Variants in ERGIC1 observed in about 807,000 individuals in gnomAD.
ERGIC1 encodes endoplasmic reticulum-golgi intermediate compartment 1.
Under a neutral mutation model 38.3 loss-of-function variants are expected in ERGIC1, and 19 were observed. The ratio of observed to expected loss-of-function variants is 0.50; its 90% CI spans 0.35 to 0.73. The LOEUF is 0.73. ERGIC1 is among the 30% of genes least tolerant of loss of function. The pLI is 0.01. For missense variants in ERGIC1, 294 were observed against 389.2 expected (o/e 0.76, Z 2.06); for synonymous variants, 124 against 157.6 (o/e 0.79, Z 1.60).
chr5:172,852,819 C>T (rs552209884), intron 1 of ERGIC1, among the ~76,000 whole-genome samples: 16 of 152,374 alleles, frequency 1.1e-4, no homozygotes, highest in East Asian at 5.8e-4. Context: ...AGCCATGCGA[C>T]GTGCTCAGCA....
chr5:172,944,052 C>T (rs951082912), intron 9 of ERGIC1, among the ~76,000 whole-genome samples: 5 of 152,208 alleles, frequency 3.3e-5, no homozygotes, highest in East Asian at 3.9e-4. Flanking sequence ...GGGGCATTAT[C>T]GGATGACGTC....
chr5:172,867,234 G>A (rs1379816679), intron 1 of ERGIC1: 14 of 454,146 alleles, frequency 3.1e-5, no homozygotes, highest in Admixed American at 3.1e-4. Flanking sequence ...CTCCCTCCTG[G>A]CATCACTGAC....
intron 1 of ERGIC1, among the ~76,000 whole-genome samples, chr5:172,861,348 CT>C (rs558525535): frequency 1.4e-3 from 210 of 152,326 alleles, no homozygotes; most frequent in African/African-American, 4.6e-3. Flanking sequence ...CACGTGTTCT[CT>C]TTCATAGCTC....
intron 1 of ERGIC1, among the ~76,000 whole-genome samples, chr5:172,881,060 C>T (rs911004958): frequency 7.2e-5 from 11 of 152,074 alleles, no homozygotes; most frequent in Non-Finnish European, 4.4e-5. Context: ...ACCAGCCTGA[C>T]CAACATGGAG....
intron 7 of ERGIC1, chr5:172,927,121 C>G (rs1763672146): frequency 6.3e-6 from 1 of 158,970 alleles, no homozygotes; most frequent in Non-Finnish European, 1.4e-5. Flanking sequence ...CACACGCAGA[C>G]AGGAGAGCAC....
intron 7 of ERGIC1, chr5:172,931,089 T>G (rs1763766188): frequency 6.6e-6 from 1 of 152,172 alleles, no homozygotes; most frequent in East Asian, 1.9e-4. Context: ...CCCAGCCTTC[T>G]TACAGAAGAG....
Position 172,877,050 on chromosome 5 carries a change from A to G in ERGIC1, c.21-11649A>G, listed in dbSNP as rs887896322. Among the ~76,000 whole-genome samples, 6 of 152,346 alleles carry G rather than the reference A, an allele frequency of 3.9e-5. No homozygotes were observed. In the South Asian group the frequency reaches 1.0e-3, roughly 26 times the overall value. On this transcript the variant is annotated intron_variant, in intron 1 of 9. Coordinates refer to ENST00000393784, the MANE Select transcript of ERGIC1 (RefSeq NM_001031711.3). ...CTTTGCCTAACCTAAACTTACAAAG[A>G]TATTCCCTTATGTTTTCCTCTAGAA...
At chr5:172,856,845 C>T (rs1174492599) in intron 1 of ERGIC1, among the ~76,000 whole-genome samples, 1 of 152,172 alleles carries the variant, frequency 6.6e-6, no homozygotes, top group East Asian at 1.9e-4. Context: ...CCTACCCTTG[C>T]ACCTCAGTAT....
intron 1 of ERGIC1, chr5:172,867,448 G>T (rs939793732): frequency 7.5e-6 from 3 of 399,082 alleles, no homozygotes; most frequent in Non-Finnish European, 1.6e-5. Flanking sequence ...TCCACTCCTT[G>T]GAGGCCGCAA....
intron 1 of ERGIC1, among the ~76,000 whole-genome samples, chr5:172,863,696 G>T (rs762086437): frequency 2.6e-5 from 4 of 152,106 alleles, no homozygotes; most frequent in Non-Finnish European, 5.9e-5. Context: ...AAAACCAAAC[G>T]TGTGACTTTC....
At chr5:172,907,971 T>C (rs1763077653) in intron 3 of ERGIC1, among the ~76,000 whole-genome samples, 1 of 151,984 alleles carries the variant, frequency 6.6e-6, no homozygotes, top group Non-Finnish European at 1.5e-5. Flanking sequence ...TTTGGATTGC[T>C]AACAGATGCC....
intron 1 of ERGIC1, among the ~76,000 whole-genome samples, chr5:172,877,192 A>G (rs541331356): frequency 3.3e-4 from 50 of 152,240 alleles, no homozygotes; most frequent in Non-Finnish European, 5.9e-4. Context: ...CAATTTCTAC[A>G]AAAATACTTG....
rs560710508 is a variant in ERGIC1, at chr5:172,887,864, G to A, written c.21-835G>A. On this transcript the variant is annotated intron_variant, in intron 1 of 9. Transcript: ENST00000393784. ...CATTCTTAAGAAGAGTCTCCATGAG[G>A]CAGACAGCAGGAGCTGGGGGGTGCA... 7.9e-5 allele frequency among the ~76,000 whole-genome samples: 12 copies of A among 152,328 alleles called. No homozygotes were observed. In the South Asian group the frequency reaches 2.5e-3, roughly 32 times the overall value.
intron 9 of ERGIC1, among the ~76,000 whole-genome samples, chr5:172,945,792 C>A (rs1764109235): frequency 6.6e-6 from 1 of 152,174 alleles, no homozygotes; most frequent in African/African-American, 2.4e-5. Context: ...TCAAGCAATT[C>A]TCATGCATCA....
chr5:172,868,530 C>T (rs575896121), intron 1 of ERGIC1, among the ~76,000 whole-genome samples: 4 of 152,122 alleles, frequency 2.6e-5, no homozygotes, highest in Non-Finnish European at 4.4e-5. Context: ...AAAAGATCAG[C>T]GGTTGCCAGG....
chr5:172,934,923 T>A (rs973650956), intron 8 of ERGIC1: 3 of 487,260 alleles, frequency 6.2e-6, no homozygotes, highest in African/African-American at 5.8e-5. Context: ...TGCTTTCTAA[T>A]TTATTTTCTG....
At chr5:172,881,408 A>G (rs1762280870) in intron 1 of ERGIC1, among the ~76,000 whole-genome samples, 1 of 152,180 alleles carries the variant, frequency 6.6e-6, no homozygotes, top group South Asian at 2.1e-4. Context: ...GTGCAGATCC[A>G]TTCATGGACT....
At chr5:172,869,984 T>G (rs563408915) in intron 1 of ERGIC1, among the ~76,000 whole-genome samples, 1 of 152,324 alleles carries the variant, frequency 6.6e-6, no homozygotes, top group South Asian at 2.1e-4. Context: ...ACTTGATCCC[T>G]GAGATGAAAC....
At chr5:172,909,880 T>G in intron 4 of ERGIC1, 119 bp downstream of exon 4, 1 of 879,814 alleles carries the variant, frequency 1.1e-6, no homozygotes, top group Non-Finnish European at 1.9e-6. Flanking sequence ...TCCCCACTCT[T>G]TTTTGGAGGA....
Sources: allele counts gnomAD v4.1 joint callset (sites outside exome capture counted in the v4.1 genomes callset), GRCh38; gene constraint gnomAD v4.1.1; transcripts MANE v1.5; gene names NCBI Gene and HGNC (gene_info 2026-07-23, HGNC 2026-07-21).